The following NPTX1 variants were observed in gnomAD, a reference collection of about 807,000 sequenced individuals.
The protein encoded by NPTX1 is neuronal pentraxin 1, also known as neuronal pentraxin-1.
NPTX1 carries 12 observed loss-of-function variants against 38.7 expected under a neutral mutation model. That is an observed-to-expected ratio of 0.31 (90% CI 0.20 to 0.50). The LOEUF is 0.50. Ranked by LOEUF, NPTX1 falls within the 20% of genes least tolerant of loss-of-function variation. NPTX1 has a pLI of 0.98. For synonymous variants in NPTX1, 272 were observed against 264.9 expected, an observed-to-expected ratio of 1.03 and a Z score of -0.26; for missense variants, 454 against 592.2, an observed-to-expected ratio of 0.77 and a Z score of 2.42.
rs1408416631 is a variant in NPTX1 at position 80,470,746 on chromosome 17, CACAAA to C, written c.*62_*66del. Reference sequence around the variant, plus strand: ...CTGGGGAAAAGGGAGAGAAGAGACGCACAAAACAGATCATCGCCGCACAAGCAGGG... The same window carrying C: ...CTGGGGAAAAGGGAGAGAAGAGACGCACAGATCATCGCCGCACAAGCAGGG... On this transcript the variant is annotated 3_prime_UTR_variant, in exon 5 of 5. Transcript: ENST00000306773. The C allele has an allele frequency of 4.4e-6, 5 of 1,127,378 alleles. No individual in the cohort carries two copies. In the Admixed American group the frequency reaches 9.9e-5, roughly 22 times the overall value. 69.8% of individuals were successfully genotyped at this position (1,127,378 alleles called of 1,614,324 possible). A position where few individuals can be genotyped will look rare whatever the true frequency, so the allele number is the denominator to read the frequency against.
rs1314040773 is a variant in NPTX1 at position 80,476,085 on chromosome 17, A to G, written c.362T>C (p.Leu121Pro). The G allele has an allele frequency of 5.6e-6, 9 of 1,606,806 alleles. No homozygotes were observed. The East Asian group carries it at 2.0e-4, about 36-fold the overall frequency. The change falls in exon 1 of 5, where the codon CTG becomes CCG. Residue 121 changes from leucine to proline, a missense_variant. This residue lies in a region of NPTX1 where 288 missense variants were observed against 318.4 expected (regional missense o/e 0.90). Coordinates refer to ENST00000306773, the MANE Select transcript of NPTX1 (RefSeq NM_002522.4). The surrounding 1 kb of genome is among the most constrained non-coding windows in gnomAD (Gnocchi z 6.3). The part of the protein sequence containing the change: ...PGSGKNTMGD[L>P]SRTPAAETLS... ...CGTCTCGGCGGCCGGTGTCCGGGACAGGTCGCCCATGGTGTTCTTGCCCGA... is the reference window on the plus strand; with the variant it reads ...CGTCTCGGCGGCCGGTGTCCGGGACGGGTCGCCCATGGTGTTCTTGCCCGA...
chr17:80,476,367 G>A lies in NPTX1; in HGVS notation c.80C>T (p.Pro27Leu), dbSNP rs2083882901. Residue 27 changes from proline to leucine, a missense_variant, in exon 1 of 5, where the codon CCG (proline) becomes CTG (leucine). Transcript: ENST00000306773. This position sits in a 1 kb window ranked among gnomAD's most constrained non-coding sequence, Gnocchi z 6.3. Reference sequence around the variant, plus strand: ...CACCGAGGTGCAGATGAAGCGCGTCGGCCCGAAATCCTGGGCCCCGGCGCC... The same window carrying A: ...CACCGAGGTGCAGATGAAGCGCGTCAGCCCGAAATCCTGGGCCCCGGCGCC... ...LLGAGAQDFGPTRFICTSVPV... is the reference protein window; with the variant it reads ...LLGAGAQDFGLTRFICTSVPV... 8.5e-6 allele frequency: 13 copies of A among 1,524,606 alleles called. No individual in the cohort carries two copies. The highest frequency in any genetic ancestry group is 1.1e-5 in the Non-Finnish European group (12 of 1,142,536). 94.4% of individuals were successfully genotyped at this position (1,524,606 alleles called of 1,614,324 possible). A position where few individuals can be genotyped will look rare whatever the true frequency, so the allele number is the denominator to read the frequency against.
At position 80,476,329 on chromosome 17, in the gene NPTX1, C is replaced by T. The variant is rs994663046; in HGVS notation, c.118G>A (p.Asp40Asn). Residue 40 changes from aspartate to asparagine, a missense_variant, in exon 1 of 5, where the codon GAC becomes AAC. By Grantham distance (23) the Asp-to-Asn change is conservative (BLOSUM62 1). Coordinates refer to ENST00000306773, the MANE Select transcript of NPTX1 (RefSeq NM_002522.4). This position sits in a 1 kb window ranked among gnomAD's most constrained non-coding sequence, Gnocchi z 6.3. ...GCGGCCACGGACGCGGCGCACATGT[C>T]GGCGTCCACGGGCACCGAGGTGCAG... ...FICTSVPVDA[D>N]MCAASVAAGG... 1.3e-5 allele frequency: 20 copies of T among 1,541,948 alleles called. No individual in the cohort carries two copies. The highest frequency in any genetic ancestry group is 8.3e-5 in the African/African-American group (6 of 72,666).
In NPTX1 at chr17:80,470,855, C is replaced by T; in HGVS notation, c.1257G>A (p.Gly419=). 1.2e-6 allele frequency: 2 copies of T among 1,606,852 alleles called. No homozygotes were observed. The highest frequency in any genetic ancestry group is 1.7e-5 in the Admixed American group (1 of 59,898). ...WAESHIEIYG[G]ATKWTFEACR... ...AGGCCTCGAAGGTCCACTTGGTGGC[C>T]CCTCCGTAGATCTCGATGTGGGATT... Residue 419 remains glycine (G), a synonymous_variant, in exon 5 of 5, where the codon GGG becomes GGA. Coordinates refer to ENST00000306773, the MANE Select transcript of NPTX1 (RefSeq NM_002522.4).
rs532147336 is a variant in NPTX1, at chr17:80,472,088, C to T, written c.898-177G>A. Among the ~76,000 whole-genome samples the T allele has an allele frequency of 1.1e-4, 17 of 152,358 alleles. No individual in the cohort carries two copies. The South Asian group carries it at 2.3e-3, about 20-fold the overall frequency. The stretch of plus-strand genomic sequence containing the variant: ...TCAGCGTCTGTCAGCCCCGCCTGGG[C>T]GTGGGGCACAGAATCACACAGGAAA... On this transcript the variant is annotated intron_variant, in intron 3 of 4. Coordinates refer to ENST00000306773, the MANE Select transcript of NPTX1 (RefSeq NM_002522.4).
In NPTX1 at chr17:80,476,045, C is replaced by T; in HGVS notation, c.402G>A (p.Gly134=). The T allele has an allele frequency of 3.7e-6, 6 of 1,608,784 alleles. No individual in the cohort carries two copies. The highest frequency in any genetic ancestry group is 2.3e-5 in the East Asian group (1 of 44,266). ...GGGTTTTGAGCGATTGCAAAGTTTGCCCGAGTTGGCTGAGCGTCTCGGCGG... is the reference window on the plus strand; with the variant it reads ...GGGTTTTGAGCGATTGCAAAGTTTGTCCGAGTTGGCTGAGCGTCTCGGCGG... ...TPAAETLSQL[G]QTLQSLKTRL... is the part of the protein sequence containing the mutation. The change falls in exon 1 of 5, where the codon GGG becomes GGA. Residue 134 remains glycine (G), a synonymous_variant. Coordinates refer to ENST00000306773, the MANE Select transcript of NPTX1 (RefSeq NM_002522.4). The surrounding 1 kb of genome is among the most constrained non-coding windows in gnomAD (Gnocchi z 6.3).
Position 80,476,570 on chromosome 17 carries a change from C to G in NPTX1, c.-124G>C. On this transcript the variant is annotated 5_prime_UTR_variant, in exon 1 of 5. Transcript: ENST00000306773. This position sits in a 1 kb window ranked among gnomAD's most constrained non-coding sequence, Gnocchi z 6.3. Reference sequence around the variant, plus strand: ...CTCTGGGCGCCGCGCTCTTCGGCCGCGCGGTCCACACCGCCGCGCTATCAG... The same window carrying G: ...CTCTGGGCGCCGCGCTCTTCGGCCGGGCGGTCCACACCGCCGCGCTATCAG... The G allele has an allele frequency of 2.8e-6, 1 of 361,604 alleles. No individual in the cohort carries two copies. Among genetic ancestry groups the G allele is most frequent in the Non-Finnish European group, 3.9e-6 (1 of 258,082 alleles). The allele number at this position is 361,604 out of a possible 1,614,324, so 22.4% of individuals were successfully genotyped here. A position where few individuals can be genotyped will look rare whatever the true frequency, so the allele number is the denominator to read the frequency against.
At position 80,476,072 on chromosome 17, in the gene NPTX1, C is replaced by G; in HGVS notation, c.375G>C (p.Pro125=). 6.2e-7 allele frequency: 1 copy of G among 1,608,146 alleles called. No homozygotes were observed. The highest frequency in any genetic ancestry group is 8.5e-7 in the Non-Finnish European group (1 of 1,178,424). ...CGAGTTGGCTGAGCGTCTCGGCGGCCGGTGTCCGGGACAGGTCGCCCATGG... is the reference window on the plus strand; with the variant it reads ...CGAGTTGGCTGAGCGTCTCGGCGGCGGGTGTCCGGGACAGGTCGCCCATGG... ...KNTMGDLSRT[P]AAETLSQLGQ... Residue 125 remains proline, a synonymous_variant, in exon 1 of 5, where the codon CCG becomes CCC. Transcript: ENST00000306773. This position sits in a 1 kb window ranked among gnomAD's most constrained non-coding sequence, Gnocchi z 6.3.
At chr17:80,473,166 C>T (rs761102129) in intron 3 of NPTX1, 34 bp downstream of exon 3, 1 of 1,602,112 alleles carries the variant, frequency 6.2e-7, no homozygotes. Context: ...TGGGGCCTCG[C>T]CCTGCCGCCC....
chr17:80,473,687 T>C (rs1391889811), intron 2 of NPTX1: 6 of 538,064 alleles, frequency 1.1e-5, no homozygotes, highest in Non-Finnish European at 2.0e-5. Flanking sequence ...GCCCATGTGC[T>C]GGCATCCTTG....
chr17:80,471,400 G>A (rs114237950), intron 4 of NPTX1, among the ~76,000 whole-genome samples: 4 of 152,152 alleles, frequency 2.6e-5, no homozygotes, highest in East Asian at 1.9e-4. Context: ...AGACGTCCCC[G>A]ATTCTCCATC....
rs773778180 is a variant in NPTX1, at chr17:80,475,593, G to GC, written c.569dup (p.Arg192GlnfsTer95). On this transcript the variant is annotated frameshift_variant, in exon 2 of 5. Transcript: ENST00000306773. LOFTEE classifies it high-confidence loss of function. The surrounding 1 kb of genome is among the most constrained non-coding windows in gnomAD (Gnocchi z 6.5). ...CCCTCTCCTCGGTGTCGTTCCTGGGGCCCCCCTTGCCCTCCTCCAGGGTGT... is the reference window on the plus strand; with the variant it reads ...CCCTCTCCTCGGTGTCGTTCCTGGGGCCCCCCCTTGCCCTCCTCCAGGGTGT... The GC allele has an allele frequency of 1.2e-6, 2 of 1,612,584 alleles. No homozygotes were observed. Among genetic ancestry groups the GC allele is most frequent in the Non-Finnish European group, 1.7e-6 (2 of 1,179,760 alleles).
chr17:80,470,841 G>T lies in NPTX1; in HGVS notation c.1271C>A (p.Thr424Asn). 2 of 1,603,050 alleles carry T rather than the reference G, an allele frequency of 1.2e-6. No individual in the cohort carries two copies. The highest frequency in any genetic ancestry group is 1.7e-6 in the Non-Finnish European group (2 of 1,171,510). ...IEIYGGATKW[T>N]FEACRQIN Reference sequence around the variant, plus strand: ...GTTGATCTGGCGACAGGCCTCGAAGGTCCACTTGGTGGCCCCTCCGTAGAT... The same window carrying T: ...GTTGATCTGGCGACAGGCCTCGAAGTTCCACTTGGTGGCCCCTCCGTAGAT... The change falls in exon 5 of 5, where the codon ACC becomes AAC. Residue 424 changes from threonine to asparagine, a missense_variant. Physicochemically the swap from Thr to Asn is moderately conservative, Grantham distance 65. Around this residue, in one of 4 missense-constraint regions of NPTX1, gnomAD observed 50 missense variants for 54.0 expected, o/e 0.93. Coordinates refer to ENST00000306773, the MANE Select transcript of NPTX1 (RefSeq NM_002522.4).
At position 80,476,248 on chromosome 17, in the gene NPTX1, G is replaced by C; in HGVS notation, c.199C>G (p.Gln67Glu). 2 of 1,567,336 alleles carry C rather than the reference G, an allele frequency of 1.3e-6. No homozygotes were observed. The highest frequency in any genetic ancestry group is 1.1e-5 in the South Asian group (1 of 87,114). Residue 67 changes from glutamine (Q) to glutamate (E), a missense_variant, in exon 1 of 5, where the codon CAG (glutamine) becomes GAG (glutamate). Physicochemically the swap from Gln to Glu is conservative, Grantham distance 29 (BLOSUM62 2). Around this residue, in one of 4 missense-constraint regions of NPTX1, gnomAD observed 288 missense variants for 318.4 expected, o/e 0.90. Coordinates refer to ENST00000306773, the MANE Select transcript of NPTX1 (RefSeq NM_002522.4). The surrounding 1 kb of genome is among the most constrained non-coding windows in gnomAD (Gnocchi z 6.3). ...TGGCTCAGGATGGTCTCCTTCTGCT[G>C]CAGCACCGTCTCGCGGAGCTGCAGC... Reference protein sequence around the residue: ...SVLQLRETVLQQKETILSQKE... With the variant: ...SVLQLRETVLEQKETILSQKE...
chr17:80,476,366 C>G lies in NPTX1; in HGVS notation c.81G>C (p.Pro27=). ...GCACCGAGGTGCAGATGAAGCGCGT[C>G]GGCCCGAAATCCTGGGCCCCGGCGC... ...LLGAGAQDFG[P]TRFICTSVPV... is the part of the protein sequence containing the mutation. Residue 27 remains proline, a synonymous_variant, in exon 1 of 5, where the codon CCG becomes CCC. Transcript: ENST00000306773. This position sits in a 1 kb window ranked among gnomAD's most constrained non-coding sequence, Gnocchi z 6.3. 1 of 1,524,996 alleles carries G rather than the reference C, an allele frequency of 6.6e-7. No homozygotes were observed. The highest frequency in any genetic ancestry group is 8.8e-7 in the Non-Finnish European group (1 of 1,142,630). The allele number at this position is 1,524,996 out of a possible 1,614,324, so 94.5% of individuals were successfully genotyped here.
chr17:80,473,544 G>T (rs2083855063), intron 2 of NPTX1, 100 bp from the exon 3 acceptor site: 1 of 1,234,502 alleles, frequency 8.1e-7, no homozygotes, highest in East Asian at 2.3e-5. Context: ...CGTGGCCAGG[G>T]CAGGCTCCGG....
rs2083809334 is a variant in NPTX1, at chr17:80,467,063, C to T, written c.*3750G>A. 1 of 148,380 alleles carries T rather than the reference C, an allele frequency of 6.7e-6. No homozygotes were observed. Among genetic ancestry groups the T allele is most frequent in the East Asian group, 2.0e-4 (1 of 4,994 alleles). The allele number at this position is 148,380 out of a possible 1,614,324, so 9.2% of individuals were successfully genotyped here. On this transcript the variant is annotated 3_prime_UTR_variant, in exon 5 of 5. Coordinates refer to ENST00000306773, the MANE Select transcript of NPTX1 (RefSeq NM_002522.4). Reference sequence around the variant, plus strand: ...TAGCAAATAATGAAAAAGTGAGATACATCGATTCTCTTTCATATTATACAG... The same window carrying T: ...TAGCAAATAATGAAAAAGTGAGATATATCGATTCTCTTTCATATTATACAG...
At chr17:80,471,478 T>A (rs1423735121) in intron 4 of NPTX1, among the ~76,000 whole-genome samples, 1 of 152,248 alleles carries the variant, frequency 6.6e-6, no homozygotes, top group African/African-American at 2.4e-5. Context: ...TATGCATCAC[T>A]AAAAGCAGAA....
Position 80,473,180 on chromosome 17 carries a change from G to T in NPTX1, c.897+20C>A. On this transcript the variant is annotated intron_variant, in intron 3 of 4. Transcript: ENST00000306773. Reference sequence around the variant, plus strand: ...CTGGGGCCTCGCCCTGCCGCCCTGTGAGCCCGGGGGCTGCTCTACCTTGTC... The same window carrying T: ...CTGGGGCCTCGCCCTGCCGCCCTGTTAGCCCGGGGGCTGCTCTACCTTGTC... 6.2e-7 allele frequency: 1 copy of T among 1,607,732 alleles called. No homozygotes were observed.
Sources: allele counts gnomAD v4.1 joint callset (sites outside exome capture counted in the v4.1 genomes callset), GRCh38; gene constraint gnomAD v4.1.1; regional missense constraint gnomAD v4.1.1; non-coding constraint Gnocchi (gnomAD v3.1); transcripts MANE v1.5; gene names NCBI Gene and HGNC (gene_info 2026-07-23, HGNC 2026-07-21).